The following NF1 variants were observed in gnomAD, a reference collection of about 807,000 sequenced individuals.
The protein encoded by NF1 is neurofibromin.
In NF1, 122 loss-of-function variants were observed where a neutral mutation model predicts 325.7. That is an observed-to-expected ratio of 0.37 (90% CI 0.32 to 0.44). The LOEUF (loss-of-function observed/expected upper bound fraction) is 0.44. Ranked by LOEUF, NF1 falls within the 20% of genes least tolerant of loss-of-function variation. The pLI, the probability that NF1 is intolerant of heterozygous loss-of-function variation, is 1.00. For missense variants in NF1, 2,140 were observed against 3,415.4 expected (o/e 0.63, Z 9.31); for synonymous variants, 1,091 against 1,186.0 (o/e 0.92, Z 1.65).
At position 31,189,344 on chromosome 17, in the gene NF1, A is replaced by G. The variant is rs149272040; in HGVS notation, c.888+6679A>G. Among the ~76,000 whole-genome samples, 1,052 of 152,108 alleles carry G rather than the reference A, an allele frequency of 6.9e-3. 17 individuals are homozygous for G. Among genetic ancestry groups the G allele is most frequent in the African/African-American group, 0.024 (985 of 41,528 alleles). ...TTTTTGTCTCCTAGCTTTTTTGGTC[A>G]GATCTCTCTTCCCAGAAGATATTAT... is the stretch of plus-strand genomic sequence containing the variant. On this transcript the variant is annotated intron_variant, in intron 8 of 57. Coordinates refer to ENST00000358273, the MANE Select transcript of NF1 (RefSeq NM_001042492.3).
intron 29 of NF1, among the ~76,000 whole-genome samples, chr17:31,246,816 G>C (rs1374704508): frequency 6.6e-6 from 1 of 152,156 alleles, no homozygotes; most frequent in East Asian, 1.9e-4. Flanking sequence ...ATAACTGATA[G>C]AGCTGAAATT....
chr17:31,358,471 T>C lies in NF1; in HGVS notation c.7971-9T>C, dbSNP rs2151584749. On this transcript the variant is annotated splice_polypyrimidine_tract_variant and intron_variant, in intron 54 of 57. Coordinates refer to ENST00000358273, the MANE Select transcript of NF1 (RefSeq NM_001042492.3). Reference sequence around the variant, plus strand: ...AAATGTTCCTCTGTTGACTTTTTTTTTCTTTTAGGCATAATTTGTTGGACT... The same window carrying C: ...AAATGTTCCTCTGTTGACTTTTTTTCTCTTTTAGGCATAATTTGTTGGACT... 1 of 1,613,444 alleles carries C rather than the reference T, an allele frequency of 6.2e-7. No individual in the cohort carries two copies. The highest frequency in any genetic ancestry group is 8.5e-7 in the Non-Finnish European group (1 of 1,179,614).
chr17:31,339,417 A>G (rs1291894519), intron 46 of NF1, among the ~76,000 whole-genome samples: 1 of 152,202 alleles, frequency 6.6e-6, no homozygotes, highest in Non-Finnish European at 1.5e-5. Flanking sequence ...ATGTTTTTGT[A>G]TTAATAAAAT....
At chr17:31,301,849 A>G (rs2068580079) in intron 36 of NF1, among the ~76,000 whole-genome samples, 1 of 152,194 alleles carries the variant, frequency 6.6e-6, no homozygotes, top group South Asian at 2.1e-4. Context: ...CACCACTAGT[A>G]TGTGGTGTGA....
rs544471965 is a variant in NF1, at chr17:31,307,374, A to G, written c.4836-18446A>G. 2.6e-5 allele frequency among the ~76,000 whole-genome samples: 4 copies of G among 152,324 alleles called. 1 individual carries two copies. Among genetic ancestry groups the G allele is most frequent in the African/African-American group, 9.6e-5 (4 of 41,576 alleles). ...AAAAGTATGCAGGAGATGTACAGAG[A>G]AGTTAACCTAGCCTGGAAAGGCTTC... On this transcript the variant is annotated intron_variant, in intron 36 of 57. Transcript: ENST00000358273.
At chr17:31,156,538 T>A (rs1032012285) in intron 2 of NF1, among the ~76,000 whole-genome samples, 3 of 152,212 alleles carry the variant, frequency 2.0e-5, no homozygotes, top group African/African-American at 7.2e-5. Context: ...GTCCCAGCCC[T>A]AAGTAGATGA....
At chr17:31,277,970 T>C (rs1236411994) in intron 36 of NF1, among the ~76,000 whole-genome samples, 1 of 152,168 alleles carries the variant, frequency 6.6e-6, no homozygotes, top group Non-Finnish European at 1.5e-5. Context: ...CTGTATCATC[T>C]TCCTAAAATC....
At chr17:31,322,928 T>C (rs2069247968) in intron 36 of NF1, among the ~76,000 whole-genome samples, 1 of 152,226 alleles carries the variant, frequency 6.6e-6, no homozygotes, top group Admixed American at 6.5e-5. Context: ...ATACCTAGAC[T>C]CTACAGTGCC....
intron 1 of NF1, among the ~76,000 whole-genome samples, chr17:31,146,409 G>A (rs530654796): frequency 2.0e-5 from 3 of 148,630 alleles, no homozygotes; most frequent in Non-Finnish European, 4.5e-5. Flanking sequence ...TAATCTGTCT[G>A]TCCATCCATC....
rs2069706640 is a variant in NF1, at chr17:31,337,501, C to T, written c.6561C>T (p.Phe2187=). ...AFRSSYRDRS[F]SPGSYERETF... ...GTTCCAGTTACCGGGACAGGTCATT[C>T]TCTCCTGGCTCCTATGAGAGAGAGA... Residue 2187 remains phenylalanine, a synonymous_variant, in exon 43 of 58, where the codon TTC becomes TTT. Transcript: ENST00000358273. 1 of 1,614,016 alleles carries T rather than the reference C, an allele frequency of 6.2e-7. No homozygotes were observed. Among genetic ancestry groups the T allele is most frequent in the Non-Finnish European group, 8.5e-7 (1 of 1,180,018 alleles).
intron 36 of NF1, chr17:31,319,115 A>T: frequency 1.5e-6 from 2 of 1,327,918 alleles, no homozygotes; most frequent in Middle Eastern, 1.9e-4. Flanking sequence ...TTGAGATGTT[A>T]CAAGTAAACT....
intron 36 of NF1, among the ~76,000 whole-genome samples, chr17:31,324,936 C>G (rs1263918460): frequency 1.3e-5 from 2 of 152,202 alleles, no homozygotes; most frequent in East Asian, 1.9e-4. Flanking sequence ...AGTATTATCA[C>G]CAGAATCATC....
In NF1 at chr17:31,224,183, T is replaced by C. The variant is rs17884468; in HGVS notation, c.1845+616T>C. ...TTGAAAATATCAGGAGACTTTTTCA[T>C]TGGGGTGGAGTGAAATGTTTTGATT... On this transcript the variant is annotated intron_variant, in intron 16 of 57. Coordinates refer to ENST00000358273, the MANE Select transcript of NF1 (RefSeq NM_001042492.3). Among the ~76,000 whole-genome samples, 1,287 of 152,262 alleles carry C rather than the reference T, an allele frequency of 8.5e-3. 26 individuals are homozygous for C. The highest frequency in any genetic ancestry group is 0.03 in the African/African-American group (1,229 of 41,552).
intron 1 of NF1, chr17:31,137,161 A>G (rs1270021321): frequency 6.6e-6 from 1 of 152,052 alleles, no homozygotes; most frequent in Non-Finnish European, 1.5e-5. Context: ...AAATGTTTGT[A>G]GGTATATGGA....
rs116582470 is a variant in NF1, at chr17:31,254,606, C to T, written c.4173+1606C>T. Among the ~76,000 whole-genome samples, 644 of 152,166 alleles carry T rather than the reference C, an allele frequency of 4.2e-3. 6 individuals carry two copies. The highest frequency in any genetic ancestry group is 0.015 in the African/African-American group (615 of 41,508). The stretch of plus-strand genomic sequence containing the variant: ...ACTCTTGTTCAGTGTTATACTAATG[C>T]CATTTTGTAGTGTATCACATAATTA... On this transcript the variant is annotated intron_variant, in intron 31 of 57. Coordinates refer to ENST00000358273, the MANE Select transcript of NF1 (RefSeq NM_001042492.3).
intron 1 of NF1, among the ~76,000 whole-genome samples, chr17:31,145,081 T>A (rs1315606203): frequency 6.6e-6 from 1 of 152,360 alleles, no homozygotes; most frequent in East Asian, 1.9e-4. Context: ...GTTAACCACA[T>A]TGGCCCTCTT....
chr17:31,147,654 C>T (rs1166580636), intron 1 of NF1, among the ~76,000 whole-genome samples: 2 of 152,068 alleles, frequency 1.3e-5, no homozygotes, highest in African/African-American at 2.4e-5. Context: ...ACTAGTAGCT[C>T]CTAAGATTTC....
chr17:31,164,673 T>C (rs1429795789), intron 4 of NF1, among the ~76,000 whole-genome samples: 1 of 152,190 alleles, frequency 6.6e-6, no homozygotes, highest in Admixed American at 6.5e-5. Context: ...ATTTGAGAAT[T>C]TGTGTTACGG....
intron 13 of NF1, among the ~76,000 whole-genome samples, chr17:31,214,894 G>A (rs532768445): frequency 5.3e-5 from 8 of 151,982 alleles, no homozygotes; most frequent in Non-Finnish European, 1.0e-4. Context: ...TATTATTCAG[G>A]TATAATCCTG....
Sources: gnomAD v4.1 joint callset for allele counts (sites outside exome capture counted in the v4.1 genomes callset) on GRCh38, gnomAD v4.1.1 for gene constraint, MANE v1.5 for transcripts, NCBI Gene and HGNC (gene_info 2026-07-23, HGNC 2026-07-21) for gene names.